Variants in EPHA3 observed in about 807,000 individuals in gnomAD.
The protein encoded by EPHA3 is ephrin type-A receptor 3.
A neutral mutation model predicts 107.1 loss-of-function variants in EPHA3; 42 were observed. The ratio of observed to expected loss-of-function variants is 0.39; its 90% confidence interval spans 0.31 to 0.51. The LOEUF is 0.51. EPHA3 is among the 20% of genes least tolerant of loss of function. The probability of loss-of-function intolerance (pLI) is 0.78; values close to 1 mark genes in which losing one functional copy is unlikely to be tolerated. For synonymous variants in EPHA3, 461 were observed against 424.8 expected (o/e 1.09, Z -1.05); for missense variants, 1,183 against 1,211.2 (o/e 0.98, Z 0.35).
At chr3:89,405,813 C>T (rs1232966461) in intron 7 of EPHA3, among the ~76,000 whole-genome samples, 1 of 151,996 alleles carries the variant, frequency 6.6e-6, no homozygotes, top group African/African-American at 2.4e-5. Context: ...AGAGGCTGTT[C>T]CAGGAATTGT....
intron 2 of EPHA3, among the ~76,000 whole-genome samples, chr3:89,137,634 G>A (rs1468005818): frequency 6.6e-6 from 1 of 151,754 alleles, no homozygotes; most frequent in Non-Finnish European, 1.5e-5. Context: ...TACATATGAT[G>A]CTCACTTTAT....
intron 3 of EPHA3, among the ~76,000 whole-genome samples, chr3:89,333,004 G>A (rs1005455986): frequency 6.6e-6 from 1 of 152,090 alleles, no homozygotes; most frequent in African/African-American, 2.4e-5. Flanking sequence ...AGCCACCATG[G>A]TTTACTAAGT....
intron 3 of EPHA3, among the ~76,000 whole-genome samples, chr3:89,326,668 G>A (rs939324271): frequency 7.2e-5 from 11 of 151,812 alleles, no homozygotes; most frequent in South Asian, 2.1e-4. Context: ...AAGATTTCAG[G>A]AGTGAGCCAC....
intron 3 of EPHA3, among the ~76,000 whole-genome samples, chr3:89,280,156 G>T (rs1705906494): frequency 6.6e-6 from 1 of 151,912 alleles, no homozygotes; most frequent in South Asian, 2.1e-4. Context: ...TAAAATTACA[G>T]ATATTTATTT....
chr3:89,328,928 T>C (rs537267635), intron 3 of EPHA3, among the ~76,000 whole-genome samples: 176 of 152,274 alleles, frequency 1.2e-3, no homozygotes, highest in South Asian at 3.7e-3. Flanking sequence ...TGTAGTTCAA[T>C]GTGCCTGGGT....
intron 1 of EPHA3, among the ~76,000 whole-genome samples, chr3:89,113,483 T>TAAA (rs71621525): frequency 1.1e-3 from 3 of 2,676 alleles, no homozygotes; most frequent in African/African-American, 1.8e-3. Flanking sequence ...GCTTCCTTTG[T>TAAA]ACAAAAAAAA....
chr3:89,216,408 T>G (rs765886364), intron 3 of EPHA3, among the ~76,000 whole-genome samples: 1 of 151,504 alleles, frequency 6.6e-6, no homozygotes, highest in Non-Finnish European at 1.5e-5. Flanking sequence ...AAAAGACATA[T>G]CTAAACTTCT....
intron 3 of EPHA3, among the ~76,000 whole-genome samples, chr3:89,328,582 T>G (rs1484971547): frequency 1.3e-5 from 2 of 152,192 alleles, no homozygotes; most frequent in Admixed American, 1.3e-4. Flanking sequence ...AATGCTACAT[T>G]AGTTGTTCTT....
chr3:89,202,341 A>AAAAT lies in EPHA3; in HGVS notation c.154-7499_154-7496dup, dbSNP rs1374609713. On this transcript the variant is annotated intron_variant, in intron 2 of 16. Coordinates refer to ENST00000336596, the MANE Select transcript of EPHA3 (RefSeq NM_005233.6). ...AAAACACCGTCTCTACTGAAAATAA[A>AAAAT]AAATAAATAAATAAATAAATAAAAA... is the stretch of plus-strand genomic sequence containing the variant. Among the ~76,000 whole-genome samples, 167 of 151,728 alleles carry AAAAT rather than the reference A, an allele frequency of 1.1e-3. 2 individuals are homozygous for AAAAT. Among genetic ancestry groups the AAAAT allele is most frequent in the Middle Eastern group, 0.01 (3 of 290 alleles).
intron 3 of EPHA3, among the ~76,000 whole-genome samples, chr3:89,284,573 T>C (rs1237758678): frequency 9.2e-5 from 14 of 152,140 alleles, no homozygotes; most frequent in Non-Finnish European, 1.9e-4. Context: ...GCCATACAAA[T>C]GATTATTTAG....
At chr3:89,421,121 G>A (rs1055686820) in intron 11 of EPHA3, among the ~76,000 whole-genome samples, 24 of 151,030 alleles carry the variant, frequency 1.6e-4, no homozygotes, top group African/African-American at 2.2e-4. Context: ...CTTTTATATC[G>A]TTACTTTAAA....
intron 16 of EPHA3, among the ~76,000 whole-genome samples, chr3:89,478,773 A>AGAAT (rs889916026): frequency 6.6e-6 from 1 of 152,188 alleles, no homozygotes; most frequent in Non-Finnish European, 1.5e-5. Context: ...AACCCCACAA[A>AGAAT]GAATGTGTGA....
At chr3:89,113,421 G>A (rs1464836944) in intron 1 of EPHA3, among the ~76,000 whole-genome samples, 1 of 119,468 alleles carries the variant, frequency 8.4e-6, no homozygotes, top group African/African-American at 3.2e-5. Flanking sequence ...CTGGCAGGAG[G>A]TTTTCTCCAG....
At chr3:89,359,780 T>TATATATACATATATACACATATATAC (rs1559663650) in intron 5 of EPHA3, among the ~76,000 whole-genome samples, 2 of 142,968 alleles carry the variant, frequency 1.4e-5, no homozygotes, top group African/African-American at 5.2e-5. Context: ...CACATATATA[T>TATATATACATATATACACATATATAC]ACATATATAT....
chr3:89,137,920 G>A (rs1436524526), intron 2 of EPHA3, among the ~76,000 whole-genome samples: 2 of 151,848 alleles, frequency 1.3e-5, no homozygotes, highest in East Asian at 3.9e-4. Flanking sequence ...AAAATTCTGG[G>A]CCCCAATCAT....
chr3:89,279,947 T>G (rs1705899160), intron 3 of EPHA3, among the ~76,000 whole-genome samples: 1 of 152,052 alleles, frequency 6.6e-6, no homozygotes, highest in African/African-American at 2.4e-5. Flanking sequence ...GAACTATATT[T>G]TATTCATTCA....
chr3:89,285,803 G>T (rs1409094114), intron 3 of EPHA3, among the ~76,000 whole-genome samples: 1 of 152,172 alleles, frequency 6.6e-6, no homozygotes, highest in African/African-American at 2.4e-5. Context: ...GGTGATGTCA[G>T]CAGAAGACAA....
chr3:89,169,876 C>G (rs1168133549), intron 2 of EPHA3, among the ~76,000 whole-genome samples: 4 of 152,134 alleles, frequency 2.6e-5, no homozygotes, highest in African/African-American at 9.7e-5. Context: ...TTACCTGAAG[C>G]CTTTGTTAAT....
At chr3:89,433,952 T>C (rs1396517746) in intron 13 of EPHA3, among the ~76,000 whole-genome samples, 1 of 152,080 alleles carries the variant, frequency 6.6e-6, no homozygotes, top group Non-Finnish European at 1.5e-5. Context: ...TACTTAACAG[T>C]CTTAGGGAAT....
Sources: gnomAD v4.1 joint callset for allele counts (sites outside exome capture counted in the v4.1 genomes callset) on GRCh38, gnomAD v4.1.1 for gene constraint, MANE v1.5 for transcripts, NCBI Gene and HGNC (gene_info 2026-07-23, HGNC 2026-07-21) for gene names.